PRKCD: variants seen among roughly 807,000 people sequenced by gnomAD.
The protein encoded by PRKCD is protein kinase C delta type.
In PRKCD, 20 loss-of-function variants were observed where a neutral mutation model predicts 82.2. The ratio of observed to expected loss-of-function variants is 0.24; its 90% confidence interval spans 0.17 to 0.35. The LOEUF is 0.35. Among genes scored for constraint, PRKCD ranks in the 10% least tolerant of loss-of-function variants. The pLI is 1.00. For synonymous variants in PRKCD, 317 were observed against 337.0 expected (o/e 0.94, Z 0.65); for missense variants, 607 against 899.0 (o/e 0.68, Z 4.15).
intron 1 of PRKCD, among the ~76,000 whole-genome samples, chr3:53,164,585 T>TAAA (rs76327629): frequency 2.1e-5 from 3 of 141,594 alleles, no homozygotes; most frequent in Non-Finnish European, 1.5e-5. Context: ...CCTGCCACAT[T>TAAA]AAAAAAAAAA....
Position 53,188,780 on chromosome 3 carries a change from T to C in PRKCD, c.1476T>C (p.Phe492=), listed in dbSNP as rs1703808282. ...DRDGHIKIAD[F]GMCKENIFGE... is the part of the protein sequence containing the mutation. ...ATGGCCACATCAAGATTGCCGACTT[T>C]GGGATGTGCAAAGAGAACATATTCG... The change falls in exon 16 of 19, where the codon TTT becomes TTC. Residue 492 remains phenylalanine, a synonymous_variant. Coordinates refer to ENST00000330452, the MANE Select transcript of PRKCD (RefSeq NM_006254.4). 1.2e-6 allele frequency: 2 copies of C among 1,614,168 alleles called. No homozygotes were observed. The highest frequency in any genetic ancestry group is 2.2e-5 in the East Asian group (1 of 44,872).
chr3:53,189,356 G>T, intron 17 of PRKCD, 110 bp downstream of exon 17: 1 of 1,171,740 alleles, frequency 8.5e-7, no homozygotes, highest in South Asian at 1.6e-5. Flanking sequence ...CAGCCTCAGT[G>T]GTGCTGCAGT....
Position 53,186,043 on chromosome 3 carries a change from C to A in PRKCD, c.1086+16C>A, listed in dbSNP as rs373350409. 1.2e-6 allele frequency: 2 copies of A among 1,613,570 alleles called. No homozygotes were observed. The highest frequency in any genetic ancestry group is 2.7e-5 in the African/African-American group (2 of 74,912). On this transcript the variant is annotated intron_variant, in intron 12 of 18. Transcript: ENST00000330452. Reference sequence around the variant, plus strand: ...CTTCGGGAAGGTGAGGGCTGTGAGCCGGGCACCTGCTTCCCACCCCACCCT... The same window carrying A: ...CTTCGGGAAGGTGAGGGCTGTGAGCAGGGCACCTGCTTCCCACCCCACCCT...
intron 16 of PRKCD, 67 bp from the exon 17 acceptor site, chr3:53,188,991 T>G: frequency 6.4e-7 from 1 of 1,571,578 alleles, no homozygotes; most frequent in East Asian, 2.3e-5. Flanking sequence ...CTAGGCTTCG[T>G]GCCCAGGGGC....
intron 2 of PRKCD, among the ~76,000 whole-genome samples, chr3:53,166,512 G>A (rs1163243110): frequency 1.3e-5 from 2 of 152,194 alleles, no homozygotes; most frequent in Admixed American, 6.5e-5. Context: ...ATGAGTTCCT[G>A]TACGTGCACC....
chr3:53,174,290 A>G (rs183490059), intron 2 of PRKCD, among the ~76,000 whole-genome samples: 34 of 152,322 alleles, frequency 2.2e-4, no homozygotes, highest in African/African-American at 8.2e-4. Flanking sequence ...CCTCTGCTGT[A>G]GGCTGGAGAA....
chr3:53,170,424 A>G (rs1702979000), intron 2 of PRKCD, among the ~76,000 whole-genome samples: 1 of 152,134 alleles, frequency 6.6e-6, no homozygotes, highest in East Asian at 1.9e-4. Flanking sequence ...CTACCAACAT[A>G]GGTTCAAGCC....
In PRKCD at chr3:53,190,016, C is replaced by T. The variant is rs368660170; in HGVS notation, c.1872+15C>T. 6 of 1,613,322 alleles carry T rather than the reference C, an allele frequency of 3.7e-6. No individual in the cohort carries two copies. The highest frequency in any genetic ancestry group is 3.4e-6 in the Non-Finnish European group (4 of 1,179,738). ...GGCCCAAAGTGGTATGTGATCCTGCCCTGTGCTGCCTTCAGGCTGAGCTAC... is the reference window on the plus strand; with the variant it reads ...GGCCCAAAGTGGTATGTGATCCTGCTCTGTGCTGCCTTCAGGCTGAGCTAC... On this transcript the variant is annotated intron_variant, in intron 18 of 18. Coordinates refer to ENST00000330452, the MANE Select transcript of PRKCD (RefSeq NM_006254.4).
intron 2 of PRKCD, among the ~76,000 whole-genome samples, chr3:53,167,848 A>T (rs554261884): frequency 6.6e-6 from 1 of 152,184 alleles, no homozygotes; most frequent in Non-Finnish European, 1.5e-5. Context: ...ATCCCCCTCA[A>T]TTCTACCTCC....
intron 2 of PRKCD, among the ~76,000 whole-genome samples, chr3:53,175,059 T>A (rs1703168601): frequency 6.6e-6 from 1 of 152,176 alleles, no homozygotes; most frequent in South Asian, 2.1e-4. Flanking sequence ...CACGCATACC[T>A]CCTGCTGGGC....
rs980611848 is a variant in PRKCD at position 53,169,202 on chromosome 3, G to T, written c.-20+3987G>T. ...GGAGCGCTGGGAGGGGAACGGCGGG[G>T]GACTGGTGTGGGCAGGCTTGAGCTC... On this transcript the variant is annotated intron_variant, in intron 2 of 18. Transcript: ENST00000330452. This position sits in a 1 kb window ranked among gnomAD's most constrained non-coding sequence, Gnocchi z 4.7. Among the ~76,000 whole-genome samples, 35 of 152,278 alleles carry T rather than the reference G, an allele frequency of 2.3e-4. No individual in the cohort carries two copies. The highest frequency in any genetic ancestry group is 8.2e-4 in the African/African-American group (34 of 41,536).
At chr3:53,190,983 C>T (rs1243271005) in intron 18 of PRKCD, among the ~76,000 whole-genome samples, 10 of 152,200 alleles carry the variant, frequency 6.6e-5, no homozygotes, top group African/African-American at 2.4e-4. Flanking sequence ...TACCCCTTGT[C>T]AGTGGGGCAG....
intron 18 of PRKCD, 71 bp from the exon 19 acceptor site, chr3:53,192,037 G>A (rs1703941272): frequency 1.5e-5 from 23 of 1,526,790 alleles, no homozygotes; most frequent in South Asian, 4.5e-5. Flanking sequence ...GCCCTGCAGG[G>A]ACTCCAGCCT....
intron 2 of PRKCD, among the ~76,000 whole-genome samples, chr3:53,166,836 G>A (rs1422785785): frequency 6.6e-6 from 1 of 152,268 alleles, no homozygotes; most frequent in Non-Finnish European, 1.5e-5. Context: ...CTGGCCCCAG[G>A]CTCCAGGCCG....
Position 53,183,484 on chromosome 3 carries a change from G to C in PRKCD, c.690G>C (p.Pro230=), listed in dbSNP as rs55865871. The change falls in exon 9 of 19, where the codon CCG becomes CCC. Residue 230 remains proline, a synonymous_variant. Coordinates refer to ENST00000330452, the MANE Select transcript of PRKCD (RefSeq NM_006254.4). The stretch of plus-strand genomic sequence containing the variant: ...AAGAACGCTTCAACATCGACATGCC[G>C]CACCGCTTCAAGGTTCACAACTACA... ...FQKERFNIDM[P]HRFKVHNYMS... 6.2e-7 allele frequency: 1 copy of C among 1,614,030 alleles called. No individual in the cohort carries two copies. Among genetic ancestry groups the C allele is most frequent in the Non-Finnish European group, 8.5e-7 (1 of 1,180,014 alleles).
At chr3:53,168,325 G>C (rs1559615657) in intron 2 of PRKCD, among the ~76,000 whole-genome samples, 1 of 152,252 alleles carries the variant, frequency 6.6e-6, no homozygotes, top group Non-Finnish European at 1.5e-5. Context: ...GGTCAGCACA[G>C]TTAGGGTTGG....
At chr3:53,189,274 GTCT>G (rs1559632327) in intron 17 of PRKCD, 28 bp downstream of exon 17, 3 of 795,906 alleles carry the variant, frequency 3.8e-6, no homozygotes, top group African/African-American at 3.0e-5. Flanking sequence ...GGCTGGGCTG[GTCT>G]GGGCTGGGCT....
chr3:53,183,370 C>T (rs1472049386), intron 8 of PRKCD, 82 bp from the exon 9 acceptor site: 12 of 1,593,576 alleles, frequency 7.5e-6, no homozygotes, highest in African/African-American at 1.3e-5. Flanking sequence ...GTTGTTGTGC[C>T]CAGGGTTGGG....
At chr3:53,161,813 C>G (rs887161179) in intron 1 of PRKCD, among the ~76,000 whole-genome samples, 2 of 150,914 alleles carry the variant, frequency 1.3e-5, no homozygotes, top group Non-Finnish European at 3.0e-5. Context: ...CCTCGCCACC[C>G]GATCCGTCCG....
Sources: allele counts gnomAD v4.1 joint callset (sites outside exome capture counted in the v4.1 genomes callset), GRCh38; gene constraint gnomAD v4.1.1; non-coding constraint Gnocchi (gnomAD v3.1); transcripts MANE v1.5; gene names NCBI Gene and HGNC (gene_info 2026-07-23, HGNC 2026-07-21).